Variants in OR4K17 observed in about 807,000 individuals in gnomAD.
OR4K17 encodes olfactory receptor family 4 subfamily K member 17.
For synonymous variants in OR4K17, 157 were observed against 132.8 expected (o/e 1.18, Z -1.25); for missense variants, 480 against 366.3 (o/e 1.31, Z -2.53).
At position 20,117,556 on chromosome 14, in the gene OR4K17, C is replaced by T. The variant is rs369744365; in HGVS notation, c.57C>T (p.Ser19=). The change falls in exon 2 of 2, where the codon AGC becomes AGT. Residue 19 remains serine, a synonymous_variant. Transcript: ENST00000641386. ...VSEFILLGLT[S]SQDVEFLLFA... Reference sequence around the variant, plus strand: ...AATTCATTTTGCTGGGACTGACCAGCTCCCAGGATGTAGAGTTTCTTCTCT... The same window carrying T: ...AATTCATTTTGCTGGGACTGACCAGTTCCCAGGATGTAGAGTTTCTTCTCT... 1.9e-6 allele frequency: 3 copies of T among 1,613,834 alleles called. No individual in the cohort carries two copies. Among genetic ancestry groups the T allele is most frequent in the African/African-American group, 1.3e-5 (1 of 74,894 alleles).
Position 20,110,827 on chromosome 14 carries a change from G to A in OR4K17, c.-98G>A, listed in dbSNP as rs1877867686. The A allele has an allele frequency of 6.6e-6, 1 of 152,036 alleles. No homozygotes were observed. Among genetic ancestry groups the A allele is most frequent in the Middle Eastern group, 3.4e-3 (1 of 294 alleles). 9.4% of individuals were successfully genotyped at this position (152,036 alleles called of 1,614,324 possible). A position where few individuals can be genotyped will look rare whatever the true frequency, so the allele number is the denominator to read the frequency against. ...TGTTTCTTCTATGGAACTATAAGTT[G>A]AGAAGGTGCATGCCCTTCTCGATAT... is the stretch of plus-strand genomic sequence containing the variant. On this transcript the variant is annotated 5_prime_UTR_variant, in exon 1 of 2. Coordinates refer to ENST00000641386, the MANE Select transcript of OR4K17 (RefSeq NM_001004715.5).
chr14:20,117,629 C>T lies in OR4K17; in HGVS notation c.130C>T (p.Leu44Phe), dbSNP rs771503466. The change falls in exon 2 of 2, where the codon CTT becomes TTT. Residue 44 changes from leucine to phenylalanine, a missense_variant. Transcript: ENST00000641386. ...IYVVTVLGNL[L>F]IIVTVFNTPN... ...TGTGGTCACAGTTTTGGGTAACCTTCTTATTATAGTCACAGTGTTTAACAC... is the reference window on the plus strand; with the variant it reads ...TGTGGTCACAGTTTTGGGTAACCTTTTTATTATAGTCACAGTGTTTAACAC... 1.2e-6 allele frequency: 2 copies of T among 1,613,810 alleles called. No homozygotes were observed. Among genetic ancestry groups the T allele is most frequent in the Non-Finnish European group, 1.7e-6 (2 of 1,179,834 alleles).
rs1300788016 is a variant in OR4K17, at chr14:20,117,929, C to T, written c.430C>T (p.Leu144Phe). 1 of 1,614,048 alleles carries T rather than the reference C, an allele frequency of 6.2e-7. No homozygotes were observed. The highest frequency in any genetic ancestry group is 1.1e-5 in the South Asian group (1 of 91,072). The change falls in exon 2 of 2, where the codon CTT becomes TTT. Residue 144 changes from leucine (L) to phenylalanine (F), a missense_variant. Transcript: ENST00000641386. Reference protein sequence around the residue: ...TIMNKKVCVLLVVTSWLLGLL... With the variant: ...TIMNKKVCVLFVVTSWLLGLL... ...CATGAACAAGAAGGTATGTGTTTTG[C>T]TTGTAGTGACCTCATGGCTCTTGGG...
rs1878186880 is a variant in OR4K17, at chr14:20,122,198, A to G, written c.*3760A>G. On this transcript the variant is annotated 3_prime_UTR_variant, in exon 2 of 2. Coordinates refer to ENST00000641386, the MANE Select transcript of OR4K17 (RefSeq NM_001004715.5). The stretch of plus-strand genomic sequence containing the variant: ...ATGAATAAAAAGATAAAACCCAACT[A>G]CATACTGCCTCCAAGAGATTTTCTT... 6.6e-6 allele frequency: 1 copy of G among 152,070 alleles called. No individual in the cohort carries two copies. The allele number at this position is 152,070 out of a possible 1,614,324, so 9.4% of individuals were successfully genotyped here. A position where few individuals can be genotyped will look rare whatever the true frequency, so the allele number is the denominator to read the frequency against.
In OR4K17 at chr14:20,118,506, A is replaced by G; in HGVS notation, c.*68A>G. 1 of 866,800 alleles carries G rather than the reference A, an allele frequency of 1.2e-6. No individual in the cohort carries two copies. Among genetic ancestry groups the G allele is most frequent in the Admixed American group, 2.6e-5 (1 of 37,984 alleles). The allele number at this position is 866,800 out of a possible 1,614,324, so 53.7% of individuals were successfully genotyped here. ...CTGTAATCCCCACACTTTGGGAGGAATATCAGGGGAACCAGCCCCCAATAT... is the reference window on the plus strand; with the variant it reads ...CTGTAATCCCCACACTTTGGGAGGAGTATCAGGGGAACCAGCCCCCAATAT... On this transcript the variant is annotated 3_prime_UTR_variant, in exon 2 of 2. Coordinates refer to ENST00000641386, the MANE Select transcript of OR4K17 (RefSeq NM_001004715.5).
rs1430825018 is a variant in OR4K17 at position 20,122,059 on chromosome 14, A to T, written c.*3621A>T. On this transcript the variant is annotated 3_prime_UTR_variant, in exon 2 of 2. Transcript: ENST00000641386. ...TCTATAGATTTTGATAATCACAGGG[A>T]GGTCTTGGAGTCTGTTGCCTAAAGT... 6.6e-6 allele frequency: 1 copy of T among 152,084 alleles called. No individual in the cohort carries two copies. The highest frequency in any genetic ancestry group is 2.4e-5 in the African/African-American group (1 of 41,450). The allele number at this position is 152,084 out of a possible 1,614,324, so 9.4% of individuals were successfully genotyped here.
chr14:20,114,609 C>T (rs745555384), intron 1 of OR4K17, among the ~76,000 whole-genome samples: 3 of 152,004 alleles, frequency 2.0e-5, no homozygotes, highest in Non-Finnish European at 4.4e-5. Context: ...GTTATCAAGC[C>T]TGTGTCTTTA....
Position 20,121,742 on chromosome 14 carries a change from A to G in OR4K17, c.*3304A>G, listed in dbSNP as rs1225907654. 1 of 152,146 alleles carries G rather than the reference A, an allele frequency of 6.6e-6. No homozygotes were observed. The highest frequency in any genetic ancestry group is 1.5e-5 in the Non-Finnish European group (1 of 68,002). The allele number at this position is 152,146 out of a possible 1,614,324, so 9.4% of individuals were successfully genotyped here. On this transcript the variant is annotated 3_prime_UTR_variant, in exon 2 of 2. Coordinates refer to ENST00000641386, the MANE Select transcript of OR4K17 (RefSeq NM_001004715.5). ...AAAAGGAAGGGAACAAAGAGTGTAA[A>G]AAATAACCAGAAAACAATTAATAAA...
intron 1 of OR4K17, among the ~76,000 whole-genome samples, chr14:20,116,696 C>T (rs1232283143): frequency 6.6e-6 from 1 of 152,106 alleles, no homozygotes; most frequent in African/African-American, 2.4e-5. Context: ...ATATGTGGCT[C>T]TTGTTAGAAT....
Position 20,118,694 on chromosome 14 carries a change from A to T in OR4K17, c.*256A>T. 1 of 305,548 alleles carries T rather than the reference A, an allele frequency of 3.3e-6. No homozygotes were observed. The highest frequency in any genetic ancestry group is 6.1e-6 in the Non-Finnish European group (1 of 164,572). 18.9% of individuals were successfully genotyped at this position (305,548 alleles called of 1,614,324 possible). ...CAAGCTGCAAAACCAGCAAGTTTTT[A>T]TTATGGATTTCAAAAGGGAGGCAGT... On this transcript the variant is annotated 3_prime_UTR_variant, in exon 2 of 2. Coordinates refer to ENST00000641386, the MANE Select transcript of OR4K17 (RefSeq NM_001004715.5).
Position 20,117,649 on chromosome 14 carries a change from TA to T in OR4K17, c.152del (p.Asn51ThrfsTer5). On this transcript the variant is annotated frameshift_variant, in exon 2 of 2. Transcript: ENST00000641386. LOFTEE classifies it low-confidence loss of function (END_TRUNC). Reference sequence around the variant, plus strand: ...ACCTTCTTATTATAGTCACAGTGTTTAACACCCCTAACCTGAATACTCCCAT... The same window carrying T: ...ACCTTCTTATTATAGTCACAGTGTTTACACCCCTAACCTGAATACTCCCAT... ...GNLLIIVTVF[N>X]TPNLNTPMYF... 6.2e-7 allele frequency: 1 copy of T among 1,613,978 alleles called. No individual in the cohort carries two copies. The highest frequency in any genetic ancestry group is 8.5e-7 in the Non-Finnish European group (1 of 1,179,912).
rs2104802 is a variant in OR4K17 at position 20,118,700 on chromosome 14, G to A, written c.*262G>A. 114,306 of 282,148 alleles carry A rather than the reference G, an allele frequency of 0.41. 23,667 individuals are homozygous for A. Among genetic ancestry groups the A allele is most frequent in the East Asian group, 0.54 (6,531 of 12,096 alleles). The allele number at this position is 282,148 out of a possible 1,614,324, so 17.5% of individuals were successfully genotyped here. On this transcript the variant is annotated 3_prime_UTR_variant, in exon 2 of 2. Coordinates refer to ENST00000641386, the MANE Select transcript of OR4K17 (RefSeq NM_001004715.5). Reference sequence around the variant, plus strand: ...GCAAAACCAGCAAGTTTTTATTATGGATTTCAAAAGGGAGGCAGTGTACGA... The same window carrying A: ...GCAAAACCAGCAAGTTTTTATTATGAATTTCAAAAGGGAGGCAGTGTACGA...
chr14:20,112,303 TCA>T (rs1877899215), intron 1 of OR4K17, among the ~76,000 whole-genome samples: 1 of 152,078 alleles, frequency 6.6e-6, no homozygotes, highest in South Asian at 2.1e-4. Context: ...TATCTTGGCC[TCA>T]CACAGATATC....
At chr14:20,116,101 A>G (rs984485253) in intron 1 of OR4K17, among the ~76,000 whole-genome samples, 1 of 152,156 alleles carries the variant, frequency 6.6e-6, no homozygotes, top group South Asian at 2.1e-4. Flanking sequence ...GGTTTTACCA[A>G]TCGTGAAACT....
rs1186977769 is a variant in OR4K17 at position 20,119,827 on chromosome 14, G to A, written c.*1389G>A. The stretch of plus-strand genomic sequence containing the variant: ...CCCTCCAGCCTGGGTGACAGAGTGA[G>A]AGTCCATCTTAAAATAATAATAATA... On this transcript the variant is annotated 3_prime_UTR_variant, in exon 2 of 2. Coordinates refer to ENST00000641386, the MANE Select transcript of OR4K17 (RefSeq NM_001004715.5). The A allele has an allele frequency of 6.6e-6, 1 of 152,068 alleles. No homozygotes were observed. The highest frequency in any genetic ancestry group is 1.5e-5 in the Non-Finnish European group (1 of 68,014). The allele number at this position is 152,068 out of a possible 1,614,324, so 9.4% of individuals were successfully genotyped here. A position where few individuals can be genotyped will look rare whatever the true frequency, so the allele number is the denominator to read the frequency against.
Position 20,119,350 on chromosome 14 carries a change from G to A in OR4K17, c.*912G>A, listed in dbSNP as rs187529577. The A allele has an allele frequency of 2.0e-5, 3 of 152,204 alleles. No homozygotes were observed. The highest frequency in any genetic ancestry group is 1.9e-4 in the East Asian group (1 of 5,172). The allele number at this position is 152,204 out of a possible 1,614,324, so 9.4% of individuals were successfully genotyped here. A position where few individuals can be genotyped will look rare whatever the true frequency, so the allele number is the denominator to read the frequency against. Reference sequence around the variant, plus strand: ...TACATCCTCAGCTTAAGAAGATGATGGGATTAAGAGATTAAAGTAAAGACA... The same window carrying A: ...TACATCCTCAGCTTAAGAAGATGATAGGATTAAGAGATTAAAGTAAAGACA... On this transcript the variant is annotated 3_prime_UTR_variant, in exon 2 of 2. Coordinates refer to ENST00000641386, the MANE Select transcript of OR4K17 (RefSeq NM_001004715.5).
chr14:20,117,989 G>T lies in OR4K17; in HGVS notation c.490G>T (p.Val164Leu). Residue 164 changes from valine (V) to leucine (L), a missense_variant, in exon 2 of 2, where the codon GTG becomes TTG. By Grantham distance (32) the Val-to-Leu change is conservative. Coordinates refer to ENST00000641386, the MANE Select transcript of OR4K17 (RefSeq NM_001004715.5). ...CTCAGGGTTTCAGATACCATTTGCT[G>T]TGAACTTGCCCTTTTGTGGTCCCAA... ...LHSGFQIPFA[V>L]NLPFCGPNVV... 3 of 1,614,102 alleles carry T rather than the reference G, an allele frequency of 1.9e-6. No homozygotes were observed. The highest frequency in any genetic ancestry group is 1.7e-6 in the Non-Finnish European group (2 of 1,180,016).
chr14:20,111,265 T>C (rs1178058382), intron 1 of OR4K17, among the ~76,000 whole-genome samples: 1 of 151,900 alleles, frequency 6.6e-6, no homozygotes, highest in Non-Finnish European at 1.5e-5. Context: ...GACAGAAGTA[T>C]ATATAAATAA....
rs1566553603 is a variant in OR4K17 at position 20,120,935 on chromosome 14, C to T, written c.*2497C>T. 1.3e-5 allele frequency: 2 copies of T among 152,270 alleles called. No homozygotes were observed. Among genetic ancestry groups the T allele is most frequent in the Non-Finnish European group, 2.9e-5 (2 of 68,084 alleles). 9.4% of individuals were successfully genotyped at this position (152,270 alleles called of 1,614,324 possible). A position where few individuals can be genotyped will look rare whatever the true frequency, so the allele number is the denominator to read the frequency against. On this transcript the variant is annotated 3_prime_UTR_variant, in exon 2 of 2. Coordinates refer to ENST00000641386, the MANE Select transcript of OR4K17 (RefSeq NM_001004715.5). ...AAGACCACAACAATTTTTGTCACCACTTCAAACATCTACATCATTGGCTGC... is the reference window on the plus strand; with the variant it reads ...AAGACCACAACAATTTTTGTCACCATTTCAAACATCTACATCATTGGCTGC...
Sources: allele counts gnomAD v4.1 joint callset (sites outside exome capture counted in the v4.1 genomes callset), GRCh38; gene constraint gnomAD v4.1.1; transcripts MANE v1.5; gene names NCBI Gene and HGNC (gene_info 2026-07-23, HGNC 2026-07-21).